The following MYO10 variants were observed in gnomAD, a reference collection of about 807,000 sequenced individuals.
MYO10 encodes unconventional myosin-X.
MYO10 carries 133 observed loss-of-function variants against 257.3 expected under a neutral mutation model. The observed-to-expected ratio is 0.52, with a 90% CI of 0.45 to 0.60. The LOEUF (loss-of-function observed/expected upper bound fraction) is 0.60. Among genes scored for constraint, MYO10 ranks in the 20% least tolerant of loss-of-function variants. The probability of loss-of-function intolerance (pLI) is 0.00; values close to 1 mark genes in which losing one functional copy is unlikely to be tolerated. For missense variants in MYO10, 2,399 were observed against 2,635.7 expected (o/e 0.91, Z 1.97); for synonymous variants, 1,104 against 1,028.6 (o/e 1.07, Z -1.40).
chr5:16,709,674 C>T (rs1738505034), intron 21 of MYO10, among the ~76,000 whole-genome samples: 1 of 152,202 alleles, frequency 6.6e-6, no homozygotes, highest in Admixed American at 6.5e-5. Flanking sequence ...GGACTGCAGG[C>T]TTGGGGGACC....
At chr5:16,690,079 G>A (rs1221818643) in intron 27 of MYO10, among the ~76,000 whole-genome samples, 160 bp from the exon 28 acceptor site, 3 of 151,922 alleles carry the variant, frequency 2.0e-5, no homozygotes, top group African/African-American at 7.3e-5. Flanking sequence ...AGGATTTGTG[G>A]GTTCTGCACC....
chr5:16,825,021 T>G (rs1245476416), intron 2 of MYO10, among the ~76,000 whole-genome samples: 1 of 152,114 alleles, frequency 6.6e-6, no homozygotes. Flanking sequence ...AGGAGGAGGA[T>G]TTCTAGGAAT....
At chr5:16,691,398 A>T (rs571356234) in intron 27 of MYO10, among the ~76,000 whole-genome samples, 70 of 149,980 alleles carry the variant, frequency 4.7e-4, no homozygotes, top group African/African-American at 6.7e-4. Flanking sequence ...TGAAATATTT[A>T]AAAAAAAATC....
chr5:16,871,696 G>T (rs1450083019), intron 2 of MYO10, among the ~76,000 whole-genome samples: 1 of 152,112 alleles, frequency 6.6e-6, no homozygotes, highest in East Asian at 1.9e-4. Flanking sequence ...CTAATGCTTG[G>T]CGACGATTCC....
At chr5:16,667,480 ATGCC>A (rs1736228038) in intron 40 of MYO10, among the ~76,000 whole-genome samples, 1 of 152,154 alleles carries the variant, frequency 6.6e-6, no homozygotes, top group African/African-American at 2.4e-5. Context: ...ATTCACTGTT[ATGCC>A]ATGCACAATC....
intron 2 of MYO10, among the ~76,000 whole-genome samples, chr5:16,838,390 C>G (rs112496933): frequency 0.06 from 9,170 of 152,244 alleles, 333 homozygotes; most frequent in Middle Eastern, 0.071. Context: ...ATAGATCAAA[C>G]CAGCCACAAC....
At chr5:16,684,012 A>G in intron 29 of MYO10, 77 bp from the exon 30 acceptor site, 5 of 1,294,186 alleles carry the variant, frequency 3.9e-6, no homozygotes, top group Non-Finnish European at 3.3e-6. Flanking sequence ...CCTCTAGCCC[A>G]CAACTCCCAA....
intron 21 of MYO10, among the ~76,000 whole-genome samples, chr5:16,707,220 CTTTCT>C (rs1386342844): frequency 6.6e-6 from 1 of 152,222 alleles, no homozygotes; most frequent in Non-Finnish European, 1.5e-5. Context: ...CATTAAACCT[CTTTCT>C]TTTATAAATT....
intron 4 of MYO10, among the ~76,000 whole-genome samples, chr5:16,786,543 C>A (rs1312531995): frequency 6.6e-6 from 1 of 152,128 alleles, no homozygotes; most frequent in Non-Finnish European, 1.5e-5. Flanking sequence ...GGTCAAGAAT[C>A]TGAAACTTTT....
chr5:16,914,560 G>A (rs1035249534), intron 1 of MYO10, among the ~76,000 whole-genome samples: 1 of 152,060 alleles, frequency 6.6e-6, no homozygotes, highest in African/African-American at 2.4e-5. Context: ...CTTTTGTTTT[G>A]CCTATTTGTA....
chr5:16,912,191 CTTTAAGCCACAGCCAAGTTTTG>C (rs1337236224), intron 1 of MYO10, among the ~76,000 whole-genome samples: 1 of 152,166 alleles, frequency 6.6e-6, no homozygotes, highest in Non-Finnish European at 1.5e-5. Flanking sequence ...GATCTAAAGA[CTTTAAGCCACAGCCAAGTTTTG>C]TTCGGCCCAC....
chr5:16,662,316 A>ATGTTTTTTTTT lies in MYO10; in HGVS notation c.*4375_*4376insAAAAAAAAACA, dbSNP rs1736012931. ...AAGTGCTGTCTTAGATTTCTGAACT[A>ATGTTTTTTTTT]TTTTTTTTTTTTTTTTTTTTTTTTG... is the stretch of plus-strand genomic sequence containing the variant. On this transcript the variant is annotated 3_prime_UTR_variant, in exon 41 of 41. Transcript: ENST00000513610. 1 of 75,816 alleles carries ATGTTTTTTTTT rather than the reference A, an allele frequency of 1.3e-5. No individual in the cohort carries two copies. Among genetic ancestry groups the ATGTTTTTTTTT allele is most frequent in the Non-Finnish European group, 2.4e-5 (1 of 42,540 alleles). The allele number at this position is 75,816 out of a possible 1,614,324, so 4.7% of individuals were successfully genotyped here.
intron 26 of MYO10, among the ~76,000 whole-genome samples, chr5:16,699,136 G>A (rs534772307): frequency 3.7e-4 from 56 of 152,256 alleles, no homozygotes; most frequent in Non-Finnish European, 6.3e-4. Flanking sequence ...AGAGACAGGG[G>A]AGAAGGACTG....
At chr5:16,893,949 C>A (rs1561044408) in intron 1 of MYO10, among the ~76,000 whole-genome samples, 1 of 152,108 alleles carries the variant, frequency 6.6e-6, no homozygotes, top group Non-Finnish European at 1.5e-5. Flanking sequence ...ACAAGCCAGC[C>A]AGGCAGTGGA....
At chr5:16,891,755 C>T (rs1745068081) in intron 1 of MYO10, among the ~76,000 whole-genome samples, 1 of 152,114 alleles carries the variant, frequency 6.6e-6, no homozygotes, top group Admixed American at 6.6e-5. Context: ...TCATTCTTGA[C>T]CCTCCTTATT....
chr5:16,924,704 C>A (rs1479120817), intron 1 of MYO10, among the ~76,000 whole-genome samples: 1 of 151,492 alleles, frequency 6.6e-6, no homozygotes, highest in Admixed American at 6.6e-5. Context: ...ATCAAAATGG[C>A]AAAAAAATAA....
intron 3 of MYO10, among the ~76,000 whole-genome samples, chr5:16,815,703 G>T (rs1273882070): frequency 3.9e-5 from 6 of 152,212 alleles, no homozygotes; most frequent in African/African-American, 1.4e-4. Flanking sequence ...AACAACACAC[G>T]CACAGTGCAG....
At chr5:16,760,574 T>C (rs1579959438) in intron 17 of MYO10, among the ~76,000 whole-genome samples, 2 of 152,164 alleles carry the variant, frequency 1.3e-5, no homozygotes, top group East Asian at 3.8e-4. Flanking sequence ...TTTAATGGTG[T>C]AAATTTATAA....
chr5:16,858,084 C>CCATAG (rs1330335782), intron 2 of MYO10, among the ~76,000 whole-genome samples: 1 of 152,188 alleles, frequency 6.6e-6, no homozygotes, highest in African/African-American at 2.4e-5. Flanking sequence ...GGGACAAAGA[C>CCATAG]CATAGCAAGG....
Sources: allele counts gnomAD v4.1 joint callset (sites outside exome capture counted in the v4.1 genomes callset), GRCh38; gene constraint gnomAD v4.1.1; transcripts MANE v1.5; gene names NCBI Gene and HGNC (gene_info 2026-07-23, HGNC 2026-07-21).